The following LRRC7 variants were observed in gnomAD, a reference collection of about 807,000 sequenced individuals.
The protein encoded by LRRC7 is leucine rich repeat containing 7.
A neutral mutation model predicts 175.7 loss-of-function variants in LRRC7; 23 were observed. The observed-to-expected ratio is 0.13, with a 90% CI of 0.09 to 0.19. The LOEUF is 0.19. Ranked by LOEUF, LRRC7 falls within the 10% of genes least tolerant of loss-of-function variation. LRRC7 has a pLI of 1.00. For missense variants in LRRC7, 1,354 were observed against 1,904.7 expected (o/e 0.71, Z 5.38); for synonymous variants, 685 against 680.9 (o/e 1.01, Z -0.09).
At chr1:69,981,045 G>A (rs1265202920) in intron 9 of LRRC7, among the ~76,000 whole-genome samples, 2 of 152,180 alleles carry the variant, frequency 1.3e-5, no homozygotes, top group Non-Finnish European at 2.9e-5. Context: ...CTCATTGAGT[G>A]TGATTATTCC....
intron 8 of LRRC7, among the ~76,000 whole-genome samples, chr1:69,973,566 A>C (rs535214716): frequency 4.6e-5 from 7 of 152,310 alleles, no homozygotes; most frequent in African/African-American, 1.4e-4. Flanking sequence ...GTTAATATTG[A>C]TGTAACCATT....
intron 2 of LRRC7, among the ~76,000 whole-genome samples, chr1:69,706,694 T>C (rs1664077875): frequency 6.6e-6 from 1 of 152,162 alleles, no homozygotes; most frequent in Non-Finnish European, 1.5e-5. Context: ...TAATTGAGTT[T>C]CTGAGGCAGG....
intron 11 of LRRC7, among the ~76,000 whole-genome samples, chr1:70,005,540 T>C (rs1655926576): frequency 6.6e-6 from 1 of 152,200 alleles, no homozygotes; most frequent in African/African-American, 2.4e-5. Flanking sequence ...CTGTACAGAA[T>C]ATTTTTAGAA....
intron 4 of LRRC7, among the ~76,000 whole-genome samples, chr1:69,801,648 T>A (rs2101098008): frequency 6.6e-6 from 1 of 151,842 alleles, no homozygotes; most frequent in South Asian, 2.1e-4. Context: ...CAATTTTGTT[T>A]ATCTTTTAAA....
chr1:69,654,013 T>C (rs527465370), intron 1 of LRRC7, among the ~76,000 whole-genome samples: 19 of 152,164 alleles, frequency 1.2e-4, no homozygotes, highest in Non-Finnish European at 1.9e-4. Flanking sequence ...TCATGCAAGA[T>C]GAAATAGTTC....
Position 70,142,160 on chromosome 1 carries a change from A to G in LRRC7, c.*20273A>G, listed in dbSNP as rs536111365. 2.0e-5 allele frequency: 3 copies of G among 152,256 alleles called. No individual in the cohort carries two copies. The highest frequency in any genetic ancestry group is 7.2e-5 in the African/African-American group (3 of 41,560). The allele number at this position is 152,256 out of a possible 1,614,324, so 9.4% of individuals were successfully genotyped here. On this transcript the variant is annotated 3_prime_UTR_variant, in exon 27 of 27. Coordinates refer to ENST00000651989, the MANE Select transcript of LRRC7 (RefSeq NM_001370785.2). ...TAGAAAGGTCATTAATTTTCAGAAT[A>G]TATTGTTGAAATAATTTTTATTTTC...
chr1:69,624,591 G>T (rs1749489), intron 1 of LRRC7, among the ~76,000 whole-genome samples: 19,492 of 151,588 alleles, frequency 0.13, 1,587 homozygotes, highest in South Asian at 0.19. Context: ...ATATCCAAAG[G>T]CATGAAAATA....
intron 1 of LRRC7, among the ~76,000 whole-genome samples, chr1:69,644,357 C>T (rs1335134154): frequency 1.3e-5 from 2 of 151,948 alleles, no homozygotes; most frequent in Non-Finnish European, 2.9e-5. Context: ...AACACATTTA[C>T]GGTTGCTACA....
rs771920217 is a variant in LRRC7, at chr1:70,039,406, C to G, written c.3582C>G (p.Ser1194Arg). ...PPYRGGLDRQSSVTVTESQFL... is the reference protein window; with the variant it reads ...PPYRGGLDRQRSVTVTESQFL... ...ATAGGGGAGGGCTGGATCGCCAAAG[C>G]AGCGTTACAGTGACTGAGTCCCAGT... Residue 1194 changes from serine (S) to arginine (R), a missense_variant, in exon 21 of 27, where the codon AGC becomes AGG. Ser to Arg is a moderately radical substitution (Grantham distance 110, BLOSUM62 -1). This residue lies in a region of LRRC7 where 1,032 missense variants were observed against 1,227.2 expected (regional missense o/e 0.84). Transcript: ENST00000651989. 6.2e-7 allele frequency: 1 copy of G among 1,614,108 alleles called. No individual in the cohort carries two copies. Among genetic ancestry groups the G allele is most frequent in the Non-Finnish European group, 8.5e-7 (1 of 1,180,022 alleles).
rs866559691 is a variant in LRRC7, at chr1:70,126,798, A to T, written c.*4911A>T. 5.3e-5 allele frequency among the ~76,000 whole-genome samples: 8 copies of T among 152,186 alleles called. No individual in the cohort carries two copies. Among genetic ancestry groups the T allele is most frequent in the South Asian group, 2.1e-4 (1 of 4,826 alleles). ...GCACCACTTGTACAAACTAAGGTAG[A>T]TGCAATCAAGTTTTCCAGTCATATC... On this transcript the variant is annotated 3_prime_UTR_variant, in exon 27 of 27. Coordinates refer to ENST00000651989, the MANE Select transcript of LRRC7 (RefSeq NM_001370785.2).
intron 7 of LRRC7, among the ~76,000 whole-genome samples, chr1:69,904,230 A>G (rs1646225940): frequency 6.6e-6 from 1 of 152,322 alleles, no homozygotes. Context: ...CTGATGCTAT[A>G]TTATTTTAAG....
At chr1:69,579,794 CT>C (rs71242784) in intron 1 of LRRC7, among the ~76,000 whole-genome samples, 442 of 127,178 alleles carry the variant, frequency 3.5e-3, no homozygotes, top group African/African-American at 9.7e-3. Context: ...TGAATAGAAG[CT>C]TTTTTTTTTT....
intron 3 of LRRC7, among the ~76,000 whole-genome samples, chr1:69,766,350 A>C (rs1054639252): frequency 3.3e-5 from 5 of 152,150 alleles, no homozygotes; most frequent in African/African-American, 1.2e-4. Flanking sequence ...ACTGTGTAAC[A>C]CTTTCAAAGC....
intron 4 of LRRC7, among the ~76,000 whole-genome samples, chr1:69,819,466 T>C (rs1008549871): frequency 3.9e-5 from 6 of 152,032 alleles, no homozygotes; most frequent in African/African-American, 1.4e-4. Context: ...TTTTTAAGAC[T>C]TATTTTGTGG....
intron 7 of LRRC7, among the ~76,000 whole-genome samples, chr1:69,918,333 A>G (rs1233007174): frequency 6.6e-6 from 1 of 152,200 alleles, no homozygotes; most frequent in African/African-American, 2.4e-5. Flanking sequence ...GAAGCACGTT[A>G]TAGGAATGAA....
At chr1:70,032,964 C>T (rs1465898487) in intron 18 of LRRC7, among the ~76,000 whole-genome samples, 1 of 152,200 alleles carries the variant, frequency 6.6e-6, no homozygotes, top group African/African-American at 2.4e-5. Context: ...CCAAAAATTT[C>T]CTCTGTCATT....
intron 1 of LRRC7, among the ~76,000 whole-genome samples, chr1:69,631,558 C>T (rs1167581088): frequency 6.6e-6 from 1 of 152,044 alleles, no homozygotes; most frequent in Non-Finnish European, 1.5e-5. Context: ...CCCAGGGAGG[C>T]CAAGGTCCTC....
chr1:70,026,209 G>A (rs1658081302), intron 17 of LRRC7, among the ~76,000 whole-genome samples: 1 of 151,982 alleles, frequency 6.6e-6, no homozygotes, highest in Admixed American at 6.6e-5. Context: ...TTTAGTGTTG[G>A]GGATTTTTTA....
At chr1:69,878,854 TCTG>T (rs983962684) in intron 7 of LRRC7, among the ~76,000 whole-genome samples, 2 of 148,428 alleles carry the variant, frequency 1.3e-5, no homozygotes, top group African/African-American at 2.4e-5. Context: ...ATATATTTAC[TCTG>T]CTATGTATAA....
Sources: gnomAD v4.1 joint callset for allele counts (sites outside exome capture counted in the v4.1 genomes callset) on GRCh38, gnomAD v4.1.1 for gene constraint, gnomAD v4.1.1 regional missense constraint, MANE v1.5 for transcripts, NCBI Gene and HGNC (gene_info 2026-07-23, HGNC 2026-07-21) for gene names.